The following NAA38 variants were observed in gnomAD, a reference collection of about 807,000 sequenced individuals.
The protein encoded by NAA38 is LSM domain containing 1.
In NAA38, 15 loss-of-function variants were observed where a neutral mutation model predicts 12.6. That is an observed-to-expected ratio of 1.19 (90% confidence interval 0.79 to 1.83). NAA38 has a LOEUF of 1.83. Ranked by LOEUF, NAA38 falls within the 40% of genes most tolerant of loss-of-function variation. The pLI is 0.00. For synonymous variants in NAA38, 88 were observed against 69.9 expected (o/e 1.26, Z -1.29); for missense variants, 183 against 171.7 (o/e 1.07, Z -0.37).
chr17:7,884,786 TG>T, intron 1 of NAA38: 2 of 143,912 alleles, frequency 1.4e-5, no homozygotes, highest in African/African-American at 2.9e-4. Flanking sequence ...GGGGGGGTGG[TG>T]GGGGGGCCAG....
At chr17:7,859,381 G>T (rs763683051), upstream of NAA38, 1 of 1,613,644 alleles carries the variant, frequency 6.2e-7, no homozygotes, top group Non-Finnish European at 8.5e-7. Context: ...GTGTTCTCCA[G>T]GTGGGGGTTC....
upstream of NAA38, chr17:7,859,718 C>A: frequency 2.2e-6 from 2 of 914,266 alleles, no homozygotes; most frequent in South Asian, 1.5e-5. Context: ...ACCCAGATCT[C>A]CACTCCTCTC....
chr17:7,864,532 A>G (rs1567815496), intron 3 of NAA38: 5 of 152,242 alleles, frequency 3.3e-5, no homozygotes, highest in African/African-American at 9.7e-5. Context: ...CCTCGCCTCA[A>G]GCAATCCTCC....
Position 7,857,456 on chromosome 17 carries a change from C to G in NAA38, c.8G>C (p.Gly3Ala). The G allele has an allele frequency of 6.5e-7, 1 of 1,539,952 alleles. No homozygotes were observed. MA[G>A]AGPTMLLREE... ...TCGTAGCAGCATGGTCGGTCCAGCTCCGGCCATTTGCCCGGAGGCCTCCTC... is the reference window on the plus strand; with the variant it reads ...TCGTAGCAGCATGGTCGGTCCAGCTGCGGCCATTTGCCCGGAGGCCTCCTC... The change falls in exon 1 of 3, where the codon GGA becomes GCA. Residue 3 changes from glycine (G) to alanine (A), a missense_variant. Coordinates refer to ENST00000575771, the MANE Select transcript of NAA38 (RefSeq NM_001320925.4).
At chr17:7,862,393 T>C (rs2078889232), upstream of NAA38, 2 of 152,186 alleles carry the variant, frequency 1.3e-5, no homozygotes, top group Admixed American at 6.5e-5. Context: ...TCTCTATCCA[T>C]AGGATTCACT....
At chr17:7,871,958 C>A (rs1967093822) in intron 2 of NAA38, among the ~76,000 whole-genome samples, 1 of 152,028 alleles carries the variant, frequency 6.6e-6, no homozygotes, top group Non-Finnish European at 1.5e-5. Context: ...CCTGTCCTTA[C>A]AATCTTCTTG....
chr17:7,876,213 T>G (rs1428523230), intron 2 of NAA38, among the ~76,000 whole-genome samples: 1 of 152,118 alleles, frequency 6.6e-6, no homozygotes, highest in Non-Finnish European at 1.5e-5. Context: ...ACTGTCAGTT[T>G]GTACTCTTCT....
At chr17:7,861,129 G>A (rs1015065685), upstream of NAA38, 2 of 152,120 alleles carry the variant, frequency 1.3e-5, no homozygotes, top group African/African-American at 4.8e-5. Flanking sequence ...CTTAAGGAGG[G>A]GAGATTTGAG....
At chr17:7,875,207 A>T (rs79951937) in intron 2 of NAA38, among the ~76,000 whole-genome samples, 10,792 of 152,150 alleles carry the variant, frequency 0.071, 708 homozygotes, top group East Asian at 0.38. Flanking sequence ...AAACAAAACA[A>T]AACAAAACAA....
intron 2 of NAA38, chr17:7,876,973 A>G: frequency 4.2e-6 from 1 of 235,976 alleles, no homozygotes. Context: ...ATTATTCTTT[A>G]AAGTGGAACC....
chr17:7,879,215 C>T (rs952447016), intron 2 of NAA38, among the ~76,000 whole-genome samples: 34 of 152,074 alleles, frequency 2.2e-4, no homozygotes, highest in Non-Finnish European at 2.9e-5. Flanking sequence ...TCATTATTAT[C>T]ACTGACCTAC....
chr17:7,857,031 C>T lies in NAA38; in HGVS notation c.249G>A (p.Glu83=). The T allele has an allele frequency of 6.2e-7, 1 of 1,609,818 alleles. No individual in the cohort carries two copies. Among genetic ancestry groups the T allele is most frequent in the Non-Finnish European group, 8.5e-7 (1 of 1,177,296 alleles). Residue 83 remains glutamate, a synonymous_variant, in exon 2 of 3, where the codon GAG becomes GAA. Coordinates refer to ENST00000575771, the MANE Select transcript of NAA38 (RefSeq NM_001320925.4). ...GGCACTGACCCGACGGCTTGAGGAA[C>T]TCCTGCGCCGAGCCCAGGATGACAT... is the stretch of plus-strand genomic sequence containing the variant. ...DCNVILGSAQ[E]FLKPSDSFSA...
At chr17:7,882,412 T>C (rs768996033) in intron 2 of NAA38, among the ~76,000 whole-genome samples, 1 of 151,874 alleles carries the variant, frequency 6.6e-6, no homozygotes, top group South Asian at 2.1e-4. Flanking sequence ...AAGACAGAAG[T>C]AAGCAGAAAG....
chr17:7,858,186 C>T (rs1263949296), upstream of NAA38: 1 of 1,613,918 alleles, frequency 6.2e-7, no homozygotes, highest in Admixed American at 1.7e-5. Flanking sequence ...TTTTCAGCGT[C>T]GCTATTTCAC....
In NAA38 at chr17:7,856,799, C is replaced by G; in HGVS notation, c.310G>C (p.Val104Leu). The G allele has an allele frequency of 6.2e-7, 1 of 1,613,996 alleles. No homozygotes were observed. The highest frequency in any genetic ancestry group is 2.2e-5 in the East Asian group (1 of 44,862). ...GEPRVLGLAM[V>L]PGHHIVSIEV... ...ATGGAAACGATGTGGTGTCCGGGTA[C>G]CATGGCCAGGCCCAGCACACGGGGC... The change falls in exon 3 of 3, where the codon GTA (valine) becomes CTA (leucine). Residue 104 changes from valine (V) to leucine (L), a missense_variant. Coordinates refer to ENST00000575771, the MANE Select transcript of NAA38 (RefSeq NM_001320925.4).
upstream of NAA38, chr17:7,858,101 A>G: frequency 6.2e-7 from 1 of 1,611,578 alleles, no homozygotes; most frequent in Non-Finnish European, 8.5e-7. Context: ...CAAAGGAGTA[A>G]CCAAGAGATC....
At chr17:7,871,607 TTCTTGA>T (rs1462098124) in intron 2 of NAA38, among the ~76,000 whole-genome samples, 5 of 152,286 alleles carry the variant, frequency 3.3e-5, no homozygotes, top group South Asian at 2.1e-4. Context: ...CCCCAGCAGC[TTCTTGA>T]TCACTGAAGA....
upstream of NAA38, chr17:7,860,440 G>A (rs2078874736): frequency 6.6e-6 from 1 of 152,110 alleles, no homozygotes; most frequent in African/African-American, 2.4e-5. Flanking sequence ...ACCCCATAAG[G>A]TGGATTACCA....
In NAA38 at chr17:7,857,420, C is replaced by T. The variant is rs1465007556; in HGVS notation, c.44G>A (p.Gly15Asp). The change falls in exon 1 of 3, where the codon GGC (glycine) becomes GAC (aspartate). Residue 15 changes from glycine (G) to aspartate (D), a missense_variant. Transcript: ENST00000575771. ...GCTGCTCTGACGCCGACTGCAACAG[C>T]CATTCTCTTCTCGTAGCAGCATGGT... is the stretch of plus-strand genomic sequence containing the variant. The part of the protein sequence containing the change: ...GPTMLLREEN[G>D]CCSRRQSSSS... The T allele has an allele frequency of 2.5e-6, 4 of 1,593,150 alleles. No individual in the cohort carries two copies. The highest frequency in any genetic ancestry group is 3.4e-6 in the Non-Finnish European group (4 of 1,172,200).
Sources: allele counts gnomAD v4.1 joint callset (sites outside exome capture counted in the v4.1 genomes callset), GRCh38; gene constraint gnomAD v4.1.1; transcripts MANE v1.5; gene names NCBI Gene and HGNC (gene_info 2026-07-23, HGNC 2026-07-21).